The following LDLRAP1 variants were observed in gnomAD, a reference collection of about 807,000 sequenced individuals.
LDLRAP1 encodes the protein low density lipoprotein receptor adapter protein 1.
In LDLRAP1, 30 loss-of-function variants were observed where a neutral mutation model predicts 37.8. The ratio of observed to expected loss-of-function variants is 0.79; its 90% CI spans 0.59 to 1.08. LDLRAP1 has a LOEUF of 1.08. Ranked by LOEUF, LDLRAP1 falls within the 50% of genes least tolerant of loss-of-function variation. The pLI, the probability that LDLRAP1 is intolerant of heterozygous loss-of-function variation, is 0.00. For missense variants in LDLRAP1, 375 were observed against 401.6 expected (o/e 0.93, Z 0.57); for synonymous variants, 156 against 169.8 (o/e 0.92, Z 0.63).
rs760799816 is a variant in LDLRAP1 at position 25,554,847 on chromosome 1, G to C, written c.232-13G>C. ...AGGCTGGCAGACTCCTCTGACTCCT[G>C]TCTGCTCCCAAGGCTAAGGCCAGTG... On this transcript the variant is annotated splice_polypyrimidine_tract_variant and intron_variant, in intron 2 of 8. Coordinates refer to ENST00000374338, the MANE Select transcript of LDLRAP1 (RefSeq NM_015627.3). This position sits in a 1 kb window ranked among gnomAD's most constrained non-coding sequence, Gnocchi z 5.4. The C allele has an allele frequency of 6.8e-6, 11 of 1,610,090 alleles. No individual in the cohort carries two copies. Among genetic ancestry groups the C allele is most frequent in the African/African-American group, 5.3e-5 (4 of 74,860 alleles).
intron 1 of LDLRAP1, among the ~76,000 whole-genome samples, chr1:25,552,924 G>A (rs911750283): frequency 3.9e-5 from 6 of 152,202 alleles, no homozygotes; most frequent in Non-Finnish European, 5.9e-5. Context: ...AGCCCAGAGA[G>A]GGGGGAATGT....
the LDLRAP1 span, among the ~76,000 whole-genome samples, chr1:25,574,445 A>G: frequency 6.6e-6 from 1 of 152,196 alleles, no homozygotes; most frequent in South Asian, 2.1e-4. Context: ...GGAAGGTTGA[A>G]AAGGCAACCC....
At chr1:25,557,123 G>A (rs2044219849) in intron 3 of LDLRAP1, 30 bp from the exon 4 acceptor site, 1 of 1,557,726 alleles carries the variant, frequency 6.4e-7, no homozygotes, top group Non-Finnish European at 8.9e-7. Flanking sequence ...CCTGTGCCAG[G>A]TCTGGTGATG....
chr1:25,569,759 G>A (rs1387846827), downstream of LDLRAP1, among the ~76,000 whole-genome samples: 1 of 152,242 alleles, frequency 6.6e-6, no homozygotes, highest in Non-Finnish European at 1.5e-5. Flanking sequence ...CGGTTGTGCT[G>A]AGCGCAGATG....
chr1:25,587,487 G>A, the LDLRAP1 span, among the ~76,000 whole-genome samples: 668 of 152,180 alleles, frequency 4.4e-3, 11 homozygotes, highest in African/African-American at 0.015. Flanking sequence ...CCTGACCTCC[G>A]TCCTTAGCTG....
rs62619761 is a variant in LDLRAP1, at chr1:25,567,055, G to A, written c.*63G>A. ...GTGATGGACCAAAGCCACCTGCTGC[G>A]GGGGAGCCAGTTCTGGGGCCCGCCT... is the stretch of plus-strand genomic sequence containing the variant. On this transcript the variant is annotated 3_prime_UTR_variant, in exon 9 of 9. Coordinates refer to ENST00000374338, the MANE Select transcript of LDLRAP1 (RefSeq NM_015627.3). 2.1e-3 allele frequency: 3,338 copies of A among 1,604,710 alleles called. 23 individuals carry two copies. In the Middle Eastern group the frequency reaches 0.022, roughly 10 times the overall value.
At chr1:25,564,966 C>T in intron 7 of LDLRAP1, 1 of 601,394 alleles carries the variant, frequency 1.7e-6, no homozygotes, top group East Asian at 2.9e-5. Flanking sequence ...GGCCTTTCTC[C>T]TCTCCCACGT....
intron 4 of LDLRAP1, among the ~76,000 whole-genome samples, chr1:25,559,370 CTGGCCTG>C (rs926089204): frequency 6.6e-6 from 1 of 152,108 alleles, no homozygotes; most frequent in African/African-American, 2.4e-5. Context: ...CAAGGGAGAC[CTGGCCTG>C]TGGTCAGAGA....
chr1:25,562,049 C>T (rs530029107), intron 4 of LDLRAP1, among the ~76,000 whole-genome samples: 31 of 152,160 alleles, frequency 2.0e-4, no homozygotes, highest in African/African-American at 4.8e-4. Context: ...TAGCACTGAC[C>T]GGTTTTGGTC....
chr1:25,558,529 T>C (rs1219916339), intron 4 of LDLRAP1, among the ~76,000 whole-genome samples: 1 of 152,202 alleles, frequency 6.6e-6, no homozygotes, highest in Non-Finnish European at 1.5e-5. Context: ...TGTTTTTTTC[T>C]GGAGGTTCTG....
chr1:25,552,962 C>T (rs2044109073), intron 1 of LDLRAP1, among the ~76,000 whole-genome samples: 1 of 152,176 alleles, frequency 6.6e-6, no homozygotes, highest in Admixed American at 6.5e-5. Flanking sequence ...GGGGACTTCC[C>T]TAGGACCATC....
At chr1:25,564,078 C>T (rs953015209) in intron 7 of LDLRAP1, 5 of 451,702 alleles carry the variant, frequency 1.1e-5, no homozygotes, top group East Asian at 4.4e-5. Flanking sequence ...CAGCCAAAGG[C>T]GCCCTTGTTC....
the LDLRAP1 span, among the ~76,000 whole-genome samples, chr1:25,586,496 G>T: frequency 3.3e-5 from 5 of 151,342 alleles, no homozygotes; most frequent in Non-Finnish European, 7.4e-5. The surrounding 1 kb of genome is among the most constrained non-coding windows in gnomAD (Gnocchi z 4.3). Context: ...GTGCGTGTGT[G>T]TGTGTGCATG....
At chr1:25,569,177 G>A (rs1190888852), downstream of LDLRAP1, among the ~76,000 whole-genome samples, 1 of 152,258 alleles carries the variant, frequency 6.6e-6, no homozygotes, top group African/African-American at 2.4e-5. Context: ...ACTGTGGCCA[G>A]GCTGTGAGTC....
chr1:25,582,300 G>C, the LDLRAP1 span, among the ~76,000 whole-genome samples: 1 of 152,172 alleles, frequency 6.6e-6, no homozygotes, highest in Admixed American at 6.5e-5. Flanking sequence ...AATTATGGTA[G>C]AATGGTCTGG....
downstream of LDLRAP1, among the ~76,000 whole-genome samples, chr1:25,572,421 C>T (rs767699405): frequency 5.3e-5 from 8 of 152,184 alleles, no homozygotes; most frequent in Non-Finnish European, 1.0e-4. Flanking sequence ...CACACACAGC[C>T]GATGGCATGG....
At chr1:25,578,618 G>A in the LDLRAP1 span, among the ~76,000 whole-genome samples, 1 of 151,958 alleles carries the variant, frequency 6.6e-6, no homozygotes, top group African/African-American at 2.4e-5. Flanking sequence ...CGGCCCAAGC[G>A]ACCCTTCCAC....
rs1169636002 is a variant in LDLRAP1, at chr1:25,544,950, C to T, written c.88+1164C>T. ...GCGTGTCTGGGCCTAGAGGGCCCGCCTCCCTCCTCCTCTGGCCCCACTCTG... is the reference window on the plus strand; with the variant it reads ...GCGTGTCTGGGCCTAGAGGGCCCGCTTCCCTCCTCCTCTGGCCCCACTCTG... On this transcript the variant is annotated intron_variant, in intron 1 of 8. Transcript: ENST00000374338. This position sits in a 1 kb window ranked among gnomAD's most constrained non-coding sequence, Gnocchi z 4.8. 4.6e-5 allele frequency among the ~76,000 whole-genome samples: 7 copies of T among 152,230 alleles called. No individual in the cohort carries two copies. The highest frequency in any genetic ancestry group is 1.0e-4 in the Non-Finnish European group (7 of 68,038).
At chr1:25,569,319 G>A (rs1208964277), downstream of LDLRAP1, among the ~76,000 whole-genome samples, 1 of 152,196 alleles carries the variant, frequency 6.6e-6, no homozygotes, top group Non-Finnish European at 1.5e-5. Context: ...GCTGAACGTG[G>A]ACTGGGCCTG....
Sources: allele counts gnomAD v4.1 joint callset (sites outside exome capture counted in the v4.1 genomes callset), GRCh38; gene constraint gnomAD v4.1.1; non-coding constraint Gnocchi (gnomAD v3.1); transcripts MANE v1.5; gene names NCBI Gene and HGNC (gene_info 2026-07-23, HGNC 2026-07-21).